The following ABCB4 variants were observed in gnomAD, a reference collection of about 807,000 sequenced individuals.
ABCB4 encodes phosphatidylcholine translocator ABCB4.
ABCB4 carries 76 observed loss-of-function variants against 145.7 expected under a neutral mutation model. The ratio of observed to expected loss-of-function variants is 0.52; its 90% CI spans 0.43 to 0.63. The LOEUF (loss-of-function observed/expected upper bound fraction) is 0.63, where lower values mean the gene tolerates loss of function less well. ABCB4 is among the 30% of genes least tolerant of loss of function. The pLI, the probability that ABCB4 is intolerant of heterozygous loss-of-function variation, is 0.00. For synonymous variants in ABCB4, 517 were observed against 566.8 expected, an observed-to-expected ratio of 0.91 and a Z score of 1.25; for missense variants, 1,234 against 1,553.1, an observed-to-expected ratio of 0.79 and a Z score of 3.45.
intron 14 of ABCB4, among the ~76,000 whole-genome samples, chr7:87,439,214 CAG>C (rs1562974958): frequency 6.6e-6 from 1 of 152,146 alleles, no homozygotes. Context: ...TAGACAAGTA[CAG>C]AGTTGAACTT....
chr7:87,453,106 G>A lies in ABCB4; in HGVS notation c.374C>T (p.Ala125Val), dbSNP rs1292810247. 6.2e-7 allele frequency: 1 copy of A among 1,613,862 alleles called. No homozygotes were observed. Among genetic ancestry groups the A allele is most frequent in the African/African-American group, 1.3e-5 (1 of 74,882 alleles). The change falls in exon 6 of 28, where the codon GCT becomes GTT. Residue 125 changes from alanine to valine, a missense_variant. By Grantham distance (64) the Ala-to-Val change is moderately conservative (BLOSUM62 0). Transcript: ENST00000649586. ...TATATAGGCAGCAACAAGAACTCCA[G>A]CACCCAATCCTGAGTAGTAATATGC... ...RYAYYYSGLGAGVLVAAYIQV... is the reference protein window; with the variant it reads ...RYAYYYSGLGVGVLVAAYIQV...
chr7:87,393,370 AT>A, the ABCB4 span, among the ~76,000 whole-genome samples: 4 of 152,176 alleles, frequency 2.6e-5, no homozygotes, highest in Non-Finnish European at 5.9e-5. Context: ...TGTACAAGGT[AT>A]TTTATAATAA....
At chr7:87,437,553 A>G (rs1463162151) in intron 14 of ABCB4, among the ~76,000 whole-genome samples, 3 of 152,238 alleles carry the variant, frequency 2.0e-5, no homozygotes, top group Non-Finnish European at 4.4e-5. Flanking sequence ...AATGCTAATC[A>G]CCATAATAAT....
the ABCB4 span, chr7:87,393,020 C>T: frequency 5.0e-6 from 8 of 1,613,402 alleles, no homozygotes; most frequent in African/African-American, 1.3e-5. Flanking sequence ...TGGTAGTTCC[C>T]ATGGTACACA....
At chr7:87,379,735 A>AT in the ABCB4 span, among the ~76,000 whole-genome samples, 1 of 152,208 alleles carries the variant, frequency 6.6e-6, no homozygotes, top group Non-Finnish European at 1.5e-5. Flanking sequence ...GATAATTTGC[A>AT]TTAAATTCCA....
At chr7:87,368,203 G>A in the ABCB4 span, among the ~76,000 whole-genome samples, 23 of 152,242 alleles carry the variant, frequency 1.5e-4, no homozygotes, top group African/African-American at 3.4e-4. Flanking sequence ...TTTACATGGC[G>A]TACTTTCTCA....
rs373359526 is a variant in ABCB4 at position 87,431,370 on chromosome 7, C to G, written c.1893+34G>C. 26 of 1,613,504 alleles carry G rather than the reference C, an allele frequency of 1.6e-5. No individual in the cohort carries two copies. Among genetic ancestry groups the G allele is most frequent in the Non-Finnish European group, 1.9e-5 (23 of 1,179,696 alleles). On this transcript the variant is annotated intron_variant, in intron 15 of 27. Transcript: ENST00000649586. ...ATTTAAAGAACACTATATTGAGGAG[C>G]AAATAGCAGAAAAAATTCCTGAAAA...
the ABCB4 span, chr7:87,369,543 A>G: frequency 9.2e-7 from 1 of 1,090,966 alleles, no homozygotes; most frequent in South Asian, 1.8e-5. Flanking sequence ...GAATTAAAAT[A>G]TACATGTTTA....
intron 18 of ABCB4, among the ~76,000 whole-genome samples, chr7:87,420,916 A>T (rs1809370204): frequency 6.6e-6 from 1 of 152,224 alleles, no homozygotes; most frequent in African/African-American, 2.4e-5. Flanking sequence ...AAACCAGTTA[A>T]ATACAGAAGT....
At chr7:87,419,275 CTACT>C (rs1293633814) in intron 19 of ABCB4, among the ~76,000 whole-genome samples, 5 of 152,286 alleles carry the variant, frequency 3.3e-5, no homozygotes, top group African/African-American at 9.6e-5. Flanking sequence ...AATATACTAC[CTACT>C]ATGTGCCCAT....
At chr7:87,451,201 T>A (rs1811701946) in intron 7 of ABCB4, among the ~76,000 whole-genome samples, 1 of 150,940 alleles carries the variant, frequency 6.6e-6, no homozygotes, top group African/African-American at 2.5e-5. Context: ...AGTGGCATGA[T>A]CTGGGCTCAC....
the ABCB4 span, chr7:87,393,006 G>A: frequency 1.2e-6 from 2 of 1,613,618 alleles, no homozygotes; most frequent in South Asian, 2.2e-5. Context: ...ACGAGTCCAG[G>A]GAGTGGTAGT....
At chr7:87,417,738 A>G (rs1415009957) in intron 20 of ABCB4, among the ~76,000 whole-genome samples, 1 of 152,356 alleles carries the variant, frequency 6.6e-6, no homozygotes, top group East Asian at 1.9e-4. Context: ...CACCTGAACC[A>G]ACATTCTAGA....
intron 14 of ABCB4, 140 bp downstream of exon 14, chr7:87,439,527 G>T: frequency 9.6e-7 from 1 of 1,047,012 alleles, no homozygotes; most frequent in Non-Finnish European, 1.5e-6. Context: ...TAACCTGACA[G>T]AAAGGAGAAA....
the ABCB4 span, among the ~76,000 whole-genome samples, chr7:87,396,395 C>T: frequency 6.6e-6 from 1 of 152,134 alleles, no homozygotes; most frequent in South Asian, 2.1e-4. Flanking sequence ...GAAGCAGTGC[C>T]AGAACTGATG....
At chr7:87,396,075 G>A in the ABCB4 span, among the ~76,000 whole-genome samples, 1 of 152,118 alleles carries the variant, frequency 6.6e-6, no homozygotes, top group Non-Finnish European at 1.5e-5. Context: ...AGCCAGTCTA[G>A]GAAATCATGA....
At chr7:87,372,382 T>A in the ABCB4 span, among the ~76,000 whole-genome samples, 2 of 152,242 alleles carry the variant, frequency 1.3e-5, no homozygotes, top group Non-Finnish European at 2.9e-5. Flanking sequence ...TATTTGTGTG[T>A]CTTCCCATTA....
At chr7:87,379,067 C>T in the ABCB4 span, among the ~76,000 whole-genome samples, 2 of 152,160 alleles carry the variant, frequency 1.3e-5, no homozygotes, top group Non-Finnish European at 2.9e-5. Flanking sequence ...TTCTCCTTGA[C>T]CTTCCTCAGT....
chr7:87,446,800 T>C (rs1263795800), intron 9 of ABCB4, among the ~76,000 whole-genome samples: 4 of 152,222 alleles, frequency 2.6e-5, no homozygotes, highest in African/African-American at 9.6e-5. Context: ...TTTTATACAT[T>C]GTATATGTTT....
Sources: gnomAD v4.1 joint callset for allele counts (sites outside exome capture counted in the v4.1 genomes callset) on GRCh38, gnomAD v4.1.1 for gene constraint, MANE v1.5 for transcripts, NCBI Gene and HGNC (gene_info 2026-07-23, HGNC 2026-07-21) for gene names.